Variants in AGAP1 observed in about 807,000 individuals in gnomAD.
AGAP1 encodes the protein arf-GAP with GTPase, ANK repeat and PH domain-containing protein 1.
In AGAP1, 29 loss-of-function variants were observed where a neutral mutation model predicts 105.3. That is an observed-to-expected ratio of 0.28 (90% CI 0.21 to 0.38). The LOEUF (loss-of-function observed/expected upper bound fraction) is 0.38, where lower values mean the gene tolerates loss of function less well. AGAP1 is among the 10% of genes least tolerant of loss of function. The pLI, the probability that AGAP1 is intolerant of heterozygous loss-of-function variation, is 1.00. For synonymous variants in AGAP1, 509 were observed against 485.9 expected, an observed-to-expected ratio of 1.05 and a Z score of -0.63; for missense variants, 998 against 1,165.1, an observed-to-expected ratio of 0.86 and a Z score of 2.09.
intron 1 of AGAP1, among the ~76,000 whole-genome samples, chr2:235,558,862 C>T (rs1179491909): frequency 6.6e-6 from 1 of 152,050 alleles, no homozygotes; most frequent in African/African-American, 2.4e-5. Flanking sequence ...GCTGTGAAAT[C>T]ATTACCATAG....
At chr2:235,823,588 C>T (rs1170037252) in intron 9 of AGAP1, among the ~76,000 whole-genome samples, 2 of 152,166 alleles carry the variant, frequency 1.3e-5, no homozygotes, top group East Asian at 3.9e-4. Context: ...TCCAGATGCT[C>T]TTCCAGTACC....
intron 6 of AGAP1, among the ~76,000 whole-genome samples, chr2:235,774,714 A>T (rs1473100099): frequency 7.9e-5 from 12 of 152,332 alleles, no homozygotes; most frequent in African/African-American, 2.6e-4. Flanking sequence ...CAGAGATTTC[A>T]CATGAACTTA....
At chr2:235,671,043 G>A in intron 1 of AGAP1, 1 of 1,286,610 alleles carries the variant, frequency 7.8e-7, no homozygotes. Context: ...AGCATCGACG[G>A]CTCCCCGCGC....
At chr2:235,513,522 G>GAAAAA (rs5839595) in intron 1 of AGAP1, among the ~76,000 whole-genome samples, 55 of 73,174 alleles carry the variant, frequency 7.5e-4, no homozygotes, top group Non-Finnish European at 1.0e-3. Context: ...CTCCGTCTCA[G>GAAAAA]AAAAAAAAAA....
rs2050803160 is a variant in AGAP1 at position 235,896,270 on chromosome 2, GTGTCAGAATTTCCT to G, written c.1156-12466_1156-12453del. 6.6e-5 allele frequency among the ~76,000 whole-genome samples: 10 copies of G among 152,332 alleles called. No homozygotes were observed. The South Asian group carries it at 2.1e-3, about 32-fold the overall frequency. The stretch of plus-strand genomic sequence containing the variant: ...CTCAAGATTCTTCCAGTTGTAGTGT[GTGTCAGAATTTCCT>G]TCCTGTTTGAGGCTGAGTAATATTC... On this transcript the variant is annotated intron_variant, in intron 10 of 17. Coordinates refer to ENST00000304032, the MANE Select transcript of AGAP1 (RefSeq NM_001037131.3).
intron 9 of AGAP1, among the ~76,000 whole-genome samples, chr2:235,881,997 T>TA (rs1428572131): frequency 1.3e-5 from 2 of 152,164 alleles, no homozygotes. Flanking sequence ...GCTTTACAAA[T>TA]ATAAGGTGAG....
At chr2:236,112,023 CTTT>C (rs1056902231) in intron 16 of AGAP1, among the ~76,000 whole-genome samples, 1 of 152,186 alleles carries the variant, frequency 6.6e-6, no homozygotes, top group Non-Finnish European at 1.5e-5. Context: ...TTCCCTCGGG[CTTT>C]TACCCCAGGA....
intron 10 of AGAP1, among the ~76,000 whole-genome samples, chr2:235,898,351 G>A (rs1328291211): frequency 6.6e-6 from 1 of 151,146 alleles, no homozygotes; most frequent in Non-Finnish European, 1.5e-5. Context: ...TTTTCCAGAC[G>A]GCATTTTGCA....
In AGAP1 at chr2:236,109,842, T is replaced by C. The variant is rs1420651863; in HGVS notation, c.2115-10350T>C. Among the ~76,000 whole-genome samples, 7 of 152,230 alleles carry C rather than the reference T, an allele frequency of 4.6e-5. No homozygotes were observed. The highest frequency in any genetic ancestry group is 4.6e-4 in the Admixed American group (7 of 15,286). ...CACGGGCAGCTTACAGCTGCCCCATTGGGGGGCACACCTCTAGATTCTTCC... is the reference window on the plus strand; with the variant it reads ...CACGGGCAGCTTACAGCTGCCCCATCGGGGGGCACACCTCTAGATTCTTCC... On this transcript the variant is annotated intron_variant, in intron 16 of 17. Coordinates refer to ENST00000304032, the MANE Select transcript of AGAP1 (RefSeq NM_001037131.3). This position sits in a 1 kb window ranked among gnomAD's most constrained non-coding sequence, Gnocchi z 5.4.
rs751063938 is a variant in AGAP1 at position 236,123,949 on chromosome 2, C to T, written c.2401C>T (p.His801Tyr). 70 of 1,613,546 alleles carry T rather than the reference C, an allele frequency of 4.3e-5. 1 individual carries two copies. In the South Asian group the frequency reaches 7.4e-4, roughly 17 times the overall value. ...YGVDVTARDA[H>Y]GNTALAYARQ... Reference sequence around the variant, plus strand: ...AGTGGACGTCACGGCCCGAGATGCCCACGGGAACACAGCTCTGGCCTACGC... The same window carrying T: ...AGTGGACGTCACGGCCCGAGATGCCTACGGGAACACAGCTCTGGCCTACGC... Residue 801 changes from histidine to tyrosine, a missense_variant, in exon 18 of 18, where the codon CAC (histidine) becomes TAC (tyrosine). This residue lies in a region of AGAP1 where 235 missense variants were observed against 270.7 expected (regional missense o/e 0.87). Transcript: ENST00000304032. This position sits in a 1 kb window ranked among gnomAD's most constrained non-coding sequence, Gnocchi z 4.6.
intron 13 of AGAP1, among the ~76,000 whole-genome samples, chr2:236,015,115 CGTAGA>C (rs1470824998): frequency 4.6e-5 from 7 of 152,158 alleles, no homozygotes; most frequent in African/African-American, 1.7e-4. Context: ...TCCCTTCAGT[CGTAGA>C]GTAGTGATGT....
intron 1 of AGAP1, among the ~76,000 whole-genome samples, chr2:235,518,986 G>C (rs1000278327): frequency 2.0e-5 from 3 of 152,210 alleles, no homozygotes; most frequent in Admixed American, 2.0e-4. Flanking sequence ...AGAAGGGTCA[G>C]AGCAGACCTC....
At chr2:235,757,907 T>C (rs1453503159) in intron 6 of AGAP1, among the ~76,000 whole-genome samples, 2 of 152,250 alleles carry the variant, frequency 1.3e-5, no homozygotes, top group African/African-American at 4.8e-5. Context: ...CATCTGTGAA[T>C]GTAAGCAGTC....
rs1026384793 is a variant in AGAP1, at chr2:235,904,052, A to T, written c.1156-4686A>T. ...TCTGACACGGCTCTCAATTGCTAGC[A>T]GGTTTCTCTCATTGCACCTCATTTG... On this transcript the variant is annotated intron_variant, in intron 10 of 17. Transcript: ENST00000304032. The surrounding 1 kb of genome is among the most constrained non-coding windows in gnomAD (Gnocchi z 4.2). 3.3e-5 allele frequency among the ~76,000 whole-genome samples: 5 copies of T among 152,182 alleles called. No homozygotes were observed. Among genetic ancestry groups the T allele is most frequent in the Non-Finnish European group, 7.3e-5 (5 of 68,044 alleles).
In AGAP1 at chr2:235,875,602, C is replaced by T. The variant is rs2049686175; in HGVS notation, c.1051-7743C>T. Among the ~76,000 whole-genome samples, 1 of 152,150 alleles carries T rather than the reference C, an allele frequency of 6.6e-6. No homozygotes were observed. ...GTTTCCTGAGGTTCCGCCTGCAGCC[C>T]GGGCCTGTGGTGGAGTAGAGCTTCT... On this transcript the variant is annotated intron_variant, in intron 9 of 17. Transcript: ENST00000304032. This position sits in a 1 kb window ranked among gnomAD's most constrained non-coding sequence, Gnocchi z 4.0.
chr2:235,710,331 G>A (rs1223414280), intron 2 of AGAP1, among the ~76,000 whole-genome samples: 1 of 152,226 alleles, frequency 6.6e-6, no homozygotes, highest in African/African-American at 2.4e-5. Context: ...ACCAGGAAAA[G>A]TATTTGTTTT....
intron 8 of AGAP1, among the ~76,000 whole-genome samples, chr2:235,803,334 G>T (rs550053908): frequency 8.1e-4 from 123 of 152,328 alleles, no homozygotes; most frequent in African/African-American, 2.7e-3. Flanking sequence ...TAGCAATTAA[G>T]ATATTAAATT....
At position 235,677,959 on chromosome 2, in the gene AGAP1, C is replaced by G. The variant is rs1286788911; in HGVS notation, c.164-31220C>G. Among the ~76,000 whole-genome samples the G allele has an allele frequency of 5.9e-5, 4 of 67,350 alleles. No individual in the cohort carries two copies. The East Asian group carries it at 1.9e-3, about 33-fold the overall frequency. 44.2% of individuals were successfully genotyped at this position (67,350 alleles called of 152,430 possible). A position where few individuals can be genotyped will look rare whatever the true frequency, so the allele number is the denominator to read the frequency against. ...AAAAAAAAAAAAAAAAAAAAAAAAG[C>G]AAAACCAGTTATTCTGTGAAAATAT... is the stretch of plus-strand genomic sequence containing the variant. On this transcript the variant is annotated intron_variant, in intron 1 of 17. Coordinates refer to ENST00000304032, the MANE Select transcript of AGAP1 (RefSeq NM_001037131.3).
chr2:235,851,983 G>A (rs931998518), intron 9 of AGAP1, among the ~76,000 whole-genome samples: 2 of 152,116 alleles, frequency 1.3e-5, no homozygotes, highest in African/African-American at 4.8e-5. Context: ...GAGAGAGGGT[G>A]AAAGAGATTA....
Sources: gnomAD v4.1 joint callset for allele counts (sites outside exome capture counted in the v4.1 genomes callset) on GRCh38, gnomAD v4.1.1 for gene constraint, gnomAD v4.1.1 regional missense constraint, Gnocchi (gnomAD v3.1) non-coding constraint, MANE v1.5 for transcripts, NCBI Gene and HGNC (gene_info 2026-07-23, HGNC 2026-07-21) for gene names.